The following DYNC1LI2 variants were observed in gnomAD, a reference collection of about 807,000 sequenced individuals.
DYNC1LI2 encodes cytoplasmic dynein 1 light intermediate chain 2.
A neutral mutation model predicts 57.8 loss-of-function variants in DYNC1LI2; 19 were observed. The observed-to-expected ratio is 0.33, with a 90% CI of 0.23 to 0.48. The LOEUF (loss-of-function observed/expected upper bound fraction) is 0.48. Ranked by LOEUF, DYNC1LI2 falls within the 20% of genes least tolerant of loss-of-function variation. DYNC1LI2 has a pLI of 0.99. For missense variants in DYNC1LI2, 470 were observed against 604.2 expected (o/e 0.78, Z 2.33); for synonymous variants, 256 against 233.4 (o/e 1.10, Z -0.88).
chr16:66,725,844 G>A lies in DYNC1LI2; in HGVS notation c.1362C>T (p.Ser454=). 1 of 1,614,010 alleles carries A rather than the reference G, an allele frequency of 6.2e-7. No individual in the cohort carries two copies. The change falls in exon 12 of 13, where the codon AGC becomes AGT. Residue 454 remains serine, a synonymous_variant. Coordinates refer to ENST00000258198, the MANE Select transcript of DYNC1LI2 (RefSeq NM_006141.3). ...CTTCTGTACCTGACTTCTTGGCTGT[G>A]CTCTGCACCCCACCAGCACCAGGAC... ...PGSPGAGGVQ[S]TAKKSGQKTV...
At chr16:66,739,740 TAGAA>T (rs1187344595) in intron 4 of DYNC1LI2, among the ~76,000 whole-genome samples, 19 of 152,342 alleles carry the variant, frequency 1.2e-4, no homozygotes, top group African/African-American at 4.3e-4. Flanking sequence ...CTTAGCATTT[TAGAA>T]AGCAATTTGG....
chr16:66,728,856 T>G (rs2144971802), intron 9 of DYNC1LI2, among the ~76,000 whole-genome samples, 184 bp downstream of exon 9: 1 of 152,300 alleles, frequency 6.6e-6, no homozygotes, highest in South Asian at 2.1e-4. Context: ...GGTGATCTCC[T>G]AAGGAGGTGG....
In DYNC1LI2 at chr16:66,723,132, T is replaced by A; in HGVS notation, c.*590A>T. On this transcript the variant is annotated 3_prime_UTR_variant, in exon 13 of 13. Coordinates refer to ENST00000258198, the MANE Select transcript of DYNC1LI2 (RefSeq NM_006141.3). ...GCATTCAAAATAAGCCTAATTCCCA[T>A]TTTGCTTAGTGTTTTGTTTGGAAAT... 2.9e-6 allele frequency: 1 copy of A among 343,256 alleles called. No individual in the cohort carries two copies. 21.3% of individuals were successfully genotyped at this position (343,256 alleles called of 1,614,324 possible). A position where few individuals can be genotyped will look rare whatever the true frequency, so the allele number is the denominator to read the frequency against.
At chr16:66,728,488 A>G (rs1280443720) in intron 9 of DYNC1LI2, among the ~76,000 whole-genome samples, 7 of 152,222 alleles carry the variant, frequency 4.6e-5, no homozygotes, top group Non-Finnish European at 1.0e-4. Flanking sequence ...AAAGATGGAA[A>G]AAGAAGGAAA....
chr16:66,749,987 T>G (rs2018013190), intron 2 of DYNC1LI2, among the ~76,000 whole-genome samples: 1 of 152,216 alleles, frequency 6.6e-6, no homozygotes. Context: ...TAGGCACTTC[T>G]GCCATTTAAT....
intron 3 of DYNC1LI2, among the ~76,000 whole-genome samples, chr16:66,748,420 C>T (rs2017979779): frequency 6.6e-6 from 1 of 151,882 alleles, no homozygotes; most frequent in Middle Eastern, 3.2e-3. Context: ...TATATGTAAT[C>T]CTTATAAGAG....
intron 3 of DYNC1LI2, among the ~76,000 whole-genome samples, chr16:66,748,282 A>C (rs2017975674): frequency 3.3e-5 from 2 of 59,742 alleles, no homozygotes; most frequent in Admixed American, 4.2e-4. Flanking sequence ...TGTCTCAAAA[A>C]AAAAAAAAAA....
rs2017856739 is a variant in DYNC1LI2, at chr16:66,742,419, A to C, written c.529+19T>G. ...GAGACTCGTGAACTTCCCAATTAAG[A>C]AAATTATATTTTACTCACACTTCCG... is the stretch of plus-strand genomic sequence containing the variant. On this transcript the variant is annotated intron_variant, in intron 4 of 12. Transcript: ENST00000258198. 2 of 1,608,462 alleles carry C rather than the reference A, an allele frequency of 1.2e-6. No homozygotes were observed. The highest frequency in any genetic ancestry group is 4.5e-5 in the East Asian group (2 of 44,782).
At chr16:66,744,853 C>A (rs1466800449) in intron 3 of DYNC1LI2, among the ~76,000 whole-genome samples, 2 of 151,750 alleles carry the variant, frequency 1.3e-5, no homozygotes, top group African/African-American at 4.8e-5. Context: ...AATCACCATG[C>A]CCGGCCAAAT....
At chr16:66,736,934 T>C (rs1448185975) in intron 4 of DYNC1LI2, among the ~76,000 whole-genome samples, 2 of 152,196 alleles carry the variant, frequency 1.3e-5, no homozygotes, top group Non-Finnish European at 2.9e-5. Context: ...TAGCTGACCA[T>C]TAGAAACAGC....
chr16:66,743,222 G>C (rs2017872611), intron 3 of DYNC1LI2, among the ~76,000 whole-genome samples: 1 of 151,750 alleles, frequency 6.6e-6, no homozygotes, highest in African/African-American at 2.4e-5. Context: ...AGTAATATAG[G>C]AGGTGTTCAC....
At chr16:66,737,270 T>C (rs2017750819) in intron 4 of DYNC1LI2, among the ~76,000 whole-genome samples, 1 of 151,942 alleles carries the variant, frequency 6.6e-6, no homozygotes, top group African/African-American at 2.4e-5. Flanking sequence ...AGTGAGACTA[T>C]ACCTCAAAAA....
intron 3 of DYNC1LI2, 40 bp downstream of exon 3, chr16:66,749,157 T>G (rs367831953): frequency 5.0e-6 from 8 of 1,601,760 alleles, no homozygotes; most frequent in African/African-American, 1.3e-5. Flanking sequence ...GTCAGAGTCC[T>G]GCATACACCC....
intron 12 of DYNC1LI2, 89 bp downstream of exon 12, chr16:66,725,739 T>G (rs2017526050): frequency 3.8e-6 from 5 of 1,327,650 alleles, no homozygotes; most frequent in Non-Finnish European, 5.3e-6. Context: ...TTCAGGACAC[T>G]GCAGGGTCTG....
At position 66,725,744 on chromosome 16, in the gene DYNC1LI2, G is replaced by GGTCTGCAGGGCAGGT. The variant is rs1258145465; in HGVS notation, c.1378+69_1378+83dup. 30 of 1,351,944 alleles carry GGTCTGCAGGGCAGGT rather than the reference G, an allele frequency of 2.2e-5. 1 individual carries two copies. Among genetic ancestry groups the GGTCTGCAGGGCAGGT allele is most frequent in the Admixed American group, 4.1e-5 (2 of 48,944 alleles). The allele number at this position is 1,351,944 out of a possible 1,614,324, so 83.7% of individuals were successfully genotyped here. A position where few individuals can be genotyped will look rare whatever the true frequency, so the allele number is the denominator to read the frequency against. ...TGCTTGGCTATTCAGGACACTGCAG[G>GGTCTGCAGGGCAGGT]GTCTGCAGGGCAGGTGTCTGCCTCT... On this transcript the variant is annotated intron_variant, in intron 12 of 12. Coordinates refer to ENST00000258198, the MANE Select transcript of DYNC1LI2 (RefSeq NM_006141.3).
chr16:66,744,688 T>C (rs2017903548), intron 3 of DYNC1LI2, among the ~76,000 whole-genome samples: 1 of 151,938 alleles, frequency 6.6e-6, no homozygotes, highest in Admixed American at 6.6e-5. Flanking sequence ...GCCTCCCAAG[T>C]AGCTGGGACT....
rs919641806 is a variant in DYNC1LI2 at position 66,722,362 on chromosome 16, C to T, written c.*1360G>A. 3 of 152,568 alleles carry T rather than the reference C, an allele frequency of 2.0e-5. No homozygotes were observed. Among genetic ancestry groups the T allele is most frequent in the African/African-American group, 4.8e-5 (2 of 41,424 alleles). 9.5% of individuals were successfully genotyped at this position (152,568 alleles called of 1,614,324 possible). A position where few individuals can be genotyped will look rare whatever the true frequency, so the allele number is the denominator to read the frequency against. ...TCCCTTGGTTTGACAACATTTTATA[C>T]ATTAAATTCATGGTAGTGTTTGCAT... is the stretch of plus-strand genomic sequence containing the variant. On this transcript the variant is annotated 3_prime_UTR_variant, in exon 13 of 13. Coordinates refer to ENST00000258198, the MANE Select transcript of DYNC1LI2 (RefSeq NM_006141.3).
chr16:66,735,699 G>T (rs1014947762), intron 5 of DYNC1LI2, among the ~76,000 whole-genome samples: 1 of 151,438 alleles, frequency 6.6e-6, no homozygotes, highest in Non-Finnish European at 1.5e-5. Flanking sequence ...GTAGAGACGG[G>T]GTTTCACCAT....
chr16:66,749,396 A>T, intron 2 of DYNC1LI2, 83 bp from the exon 3 acceptor site: 1 of 1,326,764 alleles, frequency 7.5e-7, no homozygotes, highest in Non-Finnish European at 1.1e-6. Flanking sequence ...TGACACGGAG[A>T]AACTAAGAAT....
Sources: gnomAD v4.1 joint callset for allele counts (sites outside exome capture counted in the v4.1 genomes callset) on GRCh38, gnomAD v4.1.1 for gene constraint, MANE v1.5 for transcripts, NCBI Gene and HGNC (gene_info 2026-07-23, HGNC 2026-07-21) for gene names.